Variants in SLC25A33 observed in about 807,000 individuals in gnomAD.
SLC25A33 encodes bone marrow stromal cell mitochondrial carrier protein.
Under a neutral mutation model 35.5 loss-of-function variants are expected in SLC25A33, and 15 were observed. That is an observed-to-expected ratio of 0.42 (90% CI 0.28 to 0.65). SLC25A33 has a LOEUF of 0.65. Among genes scored for constraint, SLC25A33 ranks in the 30% least tolerant of loss-of-function variants. The pLI, the probability that SLC25A33 is intolerant of heterozygous loss-of-function variation, is 0.20. For missense variants in SLC25A33, 257 were observed against 398.5 expected (o/e 0.64, Z 3.02); for synonymous variants, 136 against 148.7 (o/e 0.91, Z 0.62).
chr1:9,548,892 C>T (rs1643217912), intron 1 of SLC25A33, among the ~76,000 whole-genome samples: 2 of 152,190 alleles, frequency 1.3e-5, no homozygotes, highest in Non-Finnish European at 2.9e-5. Flanking sequence ...AGAACCTGCC[C>T]TGCTGCCATT....
chr1:9,562,699 A>T (rs1375576701), intron 2 of SLC25A33, among the ~76,000 whole-genome samples: 1 of 151,868 alleles, frequency 6.6e-6, no homozygotes, highest in Non-Finnish European at 1.5e-5. Flanking sequence ...TACTAAAAAT[A>T]CAAAATTAGC....
rs1569881278 is a variant in SLC25A33, at chr1:9,580,077, C to T, written c.606C>T (p.Ile202=). The change falls in exon 6 of 7, where the codon ATC becomes ATT. Residue 202 remains isoleucine, a synonymous_variant. Transcript: ENST00000302692. The stretch of plus-strand genomic sequence containing the variant: ...ATGCTGGAATTTCCGAAACTATAAT[C>T]TGCTTTGCTATTTATGAAAGTTTAA... ...ASYAGISETI[I]CFAIYESLKK... is the part of the protein sequence containing the mutation. 15 of 1,612,912 alleles carry T rather than the reference C, an allele frequency of 9.3e-6. No individual in the cohort carries two copies. The East Asian group carries it at 2.5e-4, about 26-fold the overall frequency.
At chr1:9,580,268 A>G in intron 6 of SLC25A33, 34 bp downstream of exon 6, 1 of 1,599,246 alleles carries the variant, frequency 6.3e-7, no homozygotes, top group Non-Finnish European at 8.5e-7. Flanking sequence ...AGAGCAGTAA[A>G]ACAGCTGTCA....
Position 9,584,490 on chromosome 1 carries a change from C to G in SLC25A33, c.*1989C>G, listed in dbSNP as rs1643782956. 1 of 152,296 alleles carries G rather than the reference C, an allele frequency of 6.6e-6. No homozygotes were observed. Among genetic ancestry groups the G allele is most frequent in the African/African-American group, 2.4e-5 (1 of 41,456 alleles). 9.4% of individuals were successfully genotyped at this position (152,296 alleles called of 1,614,324 possible). A position where few individuals can be genotyped will look rare whatever the true frequency, so the allele number is the denominator to read the frequency against. ...TCTCGGCTCACTACAGCCTCCACCT[C>G]CCGGTTTCAAGCAATTCTCCTGTCT... On this transcript the variant is annotated 3_prime_UTR_variant, in exon 7 of 7. Coordinates refer to ENST00000302692, the MANE Select transcript of SLC25A33 (RefSeq NM_032315.3).
intron 1 of SLC25A33, among the ~76,000 whole-genome samples, chr1:9,548,536 C>T (rs1643213912): frequency 6.6e-6 from 1 of 152,204 alleles, no homozygotes; most frequent in Non-Finnish European, 1.5e-5. Context: ...GAGCCGAGAT[C>T]ACGCTGCTGC....
At position 9,553,143 on chromosome 1, in the gene SLC25A33, C is replaced by T. The variant is rs186003603; in HGVS notation, c.57-483C>T. Among the ~76,000 whole-genome samples, 430 of 114,854 alleles carry T rather than the reference C, an allele frequency of 3.7e-3. 12 individuals are homozygous for T. The East Asian group carries it at 0.078, about 21-fold the overall frequency. The allele number at this position is 114,854 out of a possible 152,430, so 75.3% of individuals were successfully genotyped here. On this transcript the variant is annotated intron_variant, in intron 1 of 6. Transcript: ENST00000302692. ...CTGACCTCAGGTGATCCACCTGCCT[C>T]GGCCTCCCAAAGTGCTGAGGTTCAA...
chr1:9,544,670 G>A (rs970304944), intron 1 of SLC25A33, among the ~76,000 whole-genome samples: 1 of 152,132 alleles, frequency 6.6e-6, no homozygotes, highest in South Asian at 2.1e-4. Flanking sequence ...GTGAAATGGC[G>A]GTTACCAAAC....
rs1385955904 is a variant in SLC25A33 at position 9,573,695 on chromosome 1, T to C, written c.482+283T>C. Among the ~76,000 whole-genome samples the C allele has an allele frequency of 2.0e-5, 3 of 152,168 alleles. 1 individual carries two copies. The highest frequency in any genetic ancestry group is 7.2e-5 in the African/African-American group (3 of 41,426). On this transcript the variant is annotated intron_variant, in intron 5 of 6. Coordinates refer to ENST00000302692, the MANE Select transcript of SLC25A33 (RefSeq NM_032315.3). ...TTGTCTCAGAGAGTCAGTGACTGTC[T>C]CTCCTTTGCAGACCCCACCCCAGTT...
chr1:9,576,402 G>GT, intron 5 of SLC25A33: 1 of 365,342 alleles, frequency 2.7e-6, no homozygotes, highest in South Asian at 2.1e-5. Flanking sequence ...ATAGCCAGGT[G>GT]GGCTTTGCCG....
At chr1:9,581,502 G>C (rs1487103674) in intron 6 of SLC25A33, among the ~76,000 whole-genome samples, 1 of 152,104 alleles carries the variant, frequency 6.6e-6, no homozygotes, top group African/African-American at 2.4e-5. Flanking sequence ...GCCAAGATGG[G>C]CACATCACCT....
chr1:9,547,950 C>T lies in SLC25A33; in HGVS notation c.57-5676C>T, dbSNP rs185363506. 2.3e-3 allele frequency among the ~76,000 whole-genome samples: 346 copies of T among 152,196 alleles called. 1 individual carries two copies. The highest frequency in any genetic ancestry group is 8.1e-3 in the African/African-American group (336 of 41,516). On this transcript the variant is annotated intron_variant, in intron 1 of 6. Transcript: ENST00000302692. ...CACTGCAGCCTTGACCTGCCAGGCT[C>T]AAGCGATCCTCCCACCTCAGCCTCC...
chr1:9,584,777 AG>A lies in SLC25A33; in HGVS notation c.*2277del, dbSNP rs1240075708. Reference sequence around the variant, plus strand: ...ATCACTGAAGCTGGATACAGTGGCAAGATCATAGCTCACTGTAACCTCAAAC... The same window carrying A: ...ATCACTGAAGCTGGATACAGTGGCAAATCATAGCTCACTGTAACCTCAAAC... On this transcript the variant is annotated 3_prime_UTR_variant, in exon 7 of 7. Coordinates refer to ENST00000302692, the MANE Select transcript of SLC25A33 (RefSeq NM_032315.3). 3.9e-5 allele frequency: 6 copies of A among 152,242 alleles called. No homozygotes were observed. Among genetic ancestry groups the A allele is most frequent in the African/African-American group, 1.4e-4 (6 of 41,460 alleles). 9.4% of individuals were successfully genotyped at this position (152,242 alleles called of 1,614,324 possible). A position where few individuals can be genotyped will look rare whatever the true frequency, so the allele number is the denominator to read the frequency against.
In SLC25A33 at chr1:9,564,739, A is replaced by AATATATATATATATATATATAT. The variant is rs70979762; in HGVS notation, c.237-2539_237-2518dup. On this transcript the variant is annotated intron_variant, in intron 2 of 6. Transcript: ENST00000302692. ...TCGTCTCTATTTAAAAAAAAAAAAA[A>AATATATATATATATATATATAT]ATATATATATATATATATATATATA... Among the ~76,000 whole-genome samples, 69 of 96,470 alleles carry AATATATATATATATATATATAT rather than the reference A, an allele frequency of 7.2e-4. 1 individual carries two copies. The highest frequency in any genetic ancestry group is 1.1e-3 in the Non-Finnish European group (57 of 49,912). 63.3% of individuals were successfully genotyped at this position (96,470 alleles called of 152,430 possible).
chr1:9,542,904 C>T (rs12023288), intron 1 of SLC25A33, among the ~76,000 whole-genome samples: 1 of 151,996 alleles, frequency 6.6e-6, no homozygotes, highest in Non-Finnish European at 1.5e-5. Flanking sequence ...CCTCCGCCTC[C>T]CGGGTTGAAG....
chr1:9,551,626 T>G (rs1643267843), intron 1 of SLC25A33, among the ~76,000 whole-genome samples: 2 of 152,204 alleles, frequency 1.3e-5, no homozygotes, highest in Admixed American at 1.3e-4. Flanking sequence ...GCCAGGTGCC[T>G]GCTACGCTCT....
At chr1:9,561,441 T>C (rs1182137425) in intron 2 of SLC25A33, among the ~76,000 whole-genome samples, 2 of 152,108 alleles carry the variant, frequency 1.3e-5, no homozygotes, top group Non-Finnish European at 2.9e-5. Flanking sequence ...ATTTTTTTCC[T>C]AAATGAAAGT....
chr1:9,558,181 G>A (rs908012564), intron 2 of SLC25A33, among the ~76,000 whole-genome samples: 21 of 152,176 alleles, frequency 1.4e-4, no homozygotes, highest in Non-Finnish European at 2.5e-4. Flanking sequence ...ACTTGAAGCC[G>A]CTAAAGTAAA....
chr1:9,546,890 C>G (rs1158985966), intron 1 of SLC25A33, among the ~76,000 whole-genome samples: 1 of 152,166 alleles, frequency 6.6e-6, no homozygotes, highest in Non-Finnish European at 1.5e-5. Context: ...AAGGCTGGCC[C>G]TGCATAGCCA....
At chr1:9,574,556 T>C (rs1470417972) in intron 5 of SLC25A33, among the ~76,000 whole-genome samples, 1 of 152,238 alleles carries the variant, frequency 6.6e-6, no homozygotes, top group Non-Finnish European at 1.5e-5. Flanking sequence ...CATGAAAATA[T>C]TTCTGTGTGT....
Sources: gnomAD v4.1 joint callset for allele counts (sites outside exome capture counted in the v4.1 genomes callset) on GRCh38, gnomAD v4.1.1 for gene constraint, MANE v1.5 for transcripts, NCBI Gene and HGNC (gene_info 2026-07-23, HGNC 2026-07-21) for gene names.